GLYATL1: variants seen among roughly 807,000 people sequenced by gnomAD.
GLYATL1 encodes glycine-N-acyltransferase like 1, also known as glycine N-acyltransferase-like protein 1.
A neutral mutation model predicts 20.0 loss-of-function variants in GLYATL1; 15 were observed. That is an observed-to-expected ratio of 0.75 (90% confidence interval 0.50 to 1.15). GLYATL1 has a LOEUF of 1.15. Ranked by LOEUF, GLYATL1 falls within the 50% of genes most tolerant of loss-of-function variation. The pLI, the probability that GLYATL1 is intolerant of heterozygous loss-of-function variation, is 0.00. For missense variants in GLYATL1, 380 were observed against 368.5 expected (o/e 1.03, Z -0.26); for synonymous variants, 151 against 131.5 (o/e 1.15, Z -1.01).
rs1256846384 is a variant in GLYATL1 at position 58,947,174 on chromosome 11, A to G, written c.78+9A>G. The G allele has an allele frequency of 6.2e-7, 1 of 1,613,172 alleles. No individual in the cohort carries two copies. Among genetic ancestry groups the G allele is most frequent in the East Asian group, 2.2e-5 (1 of 44,872 alleles). ...TCCCTGAGTCCCTGAAGGTCAGGGAACAGTGGGAGGTCAGGGTATGGGAGT... is the reference window on the plus strand; with the variant it reads ...TCCCTGAGTCCCTGAAGGTCAGGGAGCAGTGGGAGGTCAGGGTATGGGAGT... On this transcript the variant is annotated intron_variant, in intron 3 of 6. Coordinates refer to ENST00000532726, the MANE Select transcript of GLYATL1 (RefSeq NM_001389712.2).
exon 2 of GLYATL1, chr11:58,907,814 C>A (rs1854941856): frequency 5.6e-6 from 1 of 179,766 alleles, no homozygotes; most frequent in Admixed American, 5.5e-5. Context: ...ACTTTCAAAG[C>A]TTGCATTTAT....
intron 1 of GLYATL1, among the ~76,000 whole-genome samples, chr11:58,930,996 T>A (rs7108461): frequency 0.19 from 29,309 of 152,142 alleles, 3,348 homozygotes; most frequent in East Asian, 0.31. Flanking sequence ...CTCTACATTA[T>A]GTATTTTGTT....
chr11:58,937,773 C>T (rs887029948), upstream of GLYATL1, among the ~76,000 whole-genome samples: 1 of 151,836 alleles, frequency 6.6e-6, no homozygotes, highest in Non-Finnish European at 1.5e-5. Context: ...CAACAGCTAT[C>T]AGATGTCTTC....
At chr11:58,907,585 G>T in exon 2 of GLYATL1, 1 of 341,954 alleles carries the variant, frequency 2.9e-6, no homozygotes, top group Non-Finnish European at 5.8e-6. Flanking sequence ...CTGACTACTA[G>T]TTCTATCATC....
upstream of GLYATL1, among the ~76,000 whole-genome samples, chr11:58,936,160 T>C (rs113700800): frequency 7.2e-5 from 11 of 152,346 alleles, no homozygotes; most frequent in African/African-American, 2.6e-4. Context: ...GGACTTATTG[T>C]TCAACATATT....
At chr11:58,915,113 T>C (rs1463650137) in intron 1 of GLYATL1, among the ~76,000 whole-genome samples, 2 of 152,230 alleles carry the variant, frequency 1.3e-5, no homozygotes, top group African/African-American at 4.8e-5. Flanking sequence ...TGACAGAACA[T>C]GTTGCTCTAA....
exon 2 of GLYATL1, chr11:58,908,458 G>T: frequency 5.3e-6 from 1 of 189,938 alleles, no homozygotes; most frequent in South Asian, 1.2e-4. Flanking sequence ...TATTGTCTTT[G>T]AACTCATCAT....
chr11:58,955,894 A>G lies in GLYATL1; in HGVS notation c.776A>G (p.Asn259Ser), dbSNP rs370990664. Residue 259 changes from asparagine (N) to serine (S), a missense_variant, in exon 7 of 7, where the codon AAT (asparagine) becomes AGT (serine). Coordinates refer to ENST00000532726, the MANE Select transcript of GLYATL1 (RefSeq NM_001389712.2). ...VRYMKYLRQK[N>S]IPFYISVLEE... ...TACATGAAATATCTGCGTCAGAAGAATATTCCATTTTACATCTCTGTGTTG... is the reference window on the plus strand; with the variant it reads ...TACATGAAATATCTGCGTCAGAAGAGTATTCCATTTTACATCTCTGTGTTG... 5.3e-5 allele frequency: 86 copies of G among 1,614,120 alleles called. No individual in the cohort carries two copies. Among genetic ancestry groups the G allele is most frequent in the Non-Finnish European group, 7.2e-5 (85 of 1,180,048 alleles).
upstream of GLYATL1, among the ~76,000 whole-genome samples, chr11:58,936,162 C>A (rs1855826432): frequency 6.6e-6 from 1 of 152,048 alleles, no homozygotes; most frequent in African/African-American, 2.4e-5. Context: ...ACTTATTGTT[C>A]AACATATTCA....
intron 1 of GLYATL1, among the ~76,000 whole-genome samples, chr11:58,931,023 G>C (rs951320283): frequency 1.1e-4 from 17 of 152,188 alleles, no homozygotes; most frequent in African/African-American, 3.6e-4. Context: ...GTTCAGACTA[G>C]ACAGACTATT....
intron 1 of GLYATL1, among the ~76,000 whole-genome samples, chr11:58,920,310 A>G (rs573433125): frequency 6.6e-6 from 1 of 152,270 alleles, no homozygotes; most frequent in East Asian, 1.9e-4. Context: ...AAATAGTCCC[A>G]TGAACATGGA....
At chr11:58,924,729 T>G (rs1174382322), upstream of GLYATL1, among the ~76,000 whole-genome samples, 2 of 152,224 alleles carry the variant, frequency 1.3e-5, no homozygotes, top group Admixed American at 6.5e-5. Flanking sequence ...CAACATTTGT[T>G]TCCAGTCTAA....
chr11:58,913,477 A>T (rs1481367385), downstream of GLYATL1, among the ~76,000 whole-genome samples: 1 of 152,234 alleles, frequency 6.6e-6, no homozygotes, highest in Non-Finnish European at 1.5e-5. Context: ...CTCATTGGCC[A>T]GCACAGTGGT....
rs757016656 is a variant in GLYATL1, at chr11:58,955,966, T to C, written c.848T>C (p.Phe283Ser). ...SRRFVGQFGF[F>S]EASCEWHQWT... ...AGATTTGTGGGGCAGTTTGGTTTCT[T>C]TGAGGCCTCCTGTGAGTGGCACCAA... Residue 283 changes from phenylalanine to serine, a missense_variant, in exon 7 of 7, where the codon TTT (phenylalanine) becomes TCT (serine). Transcript: ENST00000532726. The C allele has an allele frequency of 2.5e-6, 4 of 1,614,156 alleles. No individual in the cohort carries two copies. Among genetic ancestry groups the C allele is most frequent in the Non-Finnish European group, 3.4e-6 (4 of 1,179,972 alleles).
intron 1 of GLYATL1, among the ~76,000 whole-genome samples, chr11:58,922,039 T>A (rs1396713455): frequency 6.6e-6 from 1 of 152,242 alleles, no homozygotes; most frequent in African/African-American, 2.4e-5. Flanking sequence ...CTGTCATCTC[T>A]TAACCCTTGC....
intron 1 of GLYATL1, among the ~76,000 whole-genome samples, chr11:58,921,590 G>A (rs1462517261): frequency 1.3e-5 from 2 of 152,006 alleles, no homozygotes; most frequent in African/African-American, 2.4e-5. Flanking sequence ...TTTGCATCAC[G>A]CACATTGATT....
downstream of GLYATL1, among the ~76,000 whole-genome samples, chr11:58,910,449 T>C (rs1174205921): frequency 6.6e-6 from 1 of 152,134 alleles, no homozygotes; most frequent in African/African-American, 2.4e-5. Flanking sequence ...ATGAAAAAGG[T>C]GAATAATACA....
intron 1 of GLYATL1, among the ~76,000 whole-genome samples, chr11:58,922,555 C>T (rs536671566): frequency 3.3e-5 from 5 of 152,306 alleles, no homozygotes; most frequent in Admixed American, 6.5e-5. Flanking sequence ...ATTCCTCCCT[C>T]TCCGGTGAGA....
At chr11:58,910,288 T>C (rs559164879), downstream of GLYATL1, among the ~76,000 whole-genome samples, 10 of 152,320 alleles carry the variant, frequency 6.6e-5, no homozygotes, top group East Asian at 1.7e-3. Flanking sequence ...GTTTACAGAC[T>C]TTATCTTTGT....
Sources: allele counts gnomAD v4.1 joint callset (sites outside exome capture counted in the v4.1 genomes callset), GRCh38; gene constraint gnomAD v4.1.1; transcripts MANE v1.5; gene names NCBI Gene and HGNC (gene_info 2026-07-23, HGNC 2026-07-21).